RFC3: variants seen among roughly 807,000 people sequenced by gnomAD.
The protein encoded by RFC3 is replication factor C subunit 3.
A neutral mutation model predicts 45.1 loss-of-function variants in RFC3; 41 were observed. The ratio of observed to expected loss-of-function variants is 0.91; its 90% CI spans 0.71 to 1.18. The LOEUF is 1.18. Ranked by LOEUF, RFC3 falls within the 50% of genes most tolerant of loss-of-function variation. RFC3 has a pLI of 0.00. For missense variants in RFC3, 423 were observed against 428.1 expected (o/e 0.99, Z 0.10); for synonymous variants, 149 against 144.0 (o/e 1.03, Z -0.25).
chr13:33,880,679 C>A (rs1032872726), intron 8 of RFC3, among the ~76,000 whole-genome samples: 1 of 152,076 alleles, frequency 6.6e-6, no homozygotes, highest in Non-Finnish European at 1.5e-5. Context: ...AGAATCGAGA[C>A]CATGGTAGAT....
chr13:33,938,208 A>AAAAAAAAAAAAAAT (rs2082900461), intron 8 of RFC3, among the ~76,000 whole-genome samples: 4 of 147,156 alleles, frequency 2.7e-5, no homozygotes, highest in African/African-American at 1.0e-4. Context: ...AAAAAAAAAA[A>AAAAAAAAAAAAAAT]GTAAGAGTTG....
chr13:33,923,374 C>G (rs1178464611), intron 8 of RFC3, among the ~76,000 whole-genome samples: 1 of 152,056 alleles, frequency 6.6e-6, no homozygotes, highest in African/African-American at 2.4e-5. Context: ...CCAGGAATAG[C>G]CACAAAAGGC....
At chr13:33,906,678 AT>A (rs906066522) in intron 8 of RFC3, among the ~76,000 whole-genome samples, 31 of 152,174 alleles carry the variant, frequency 2.0e-4, no homozygotes, top group African/African-American at 7.5e-4. Context: ...CAAGGTTTAA[AT>A]TGGATCACTG....
In RFC3 at chr13:33,818,171, G is replaced by C. The variant is rs752874822; in HGVS notation, c.-8G>C. 9.9e-5 allele frequency: 160 copies of C among 1,611,142 alleles called. No homozygotes were observed. Among genetic ancestry groups the C allele is most frequent in the East Asian group, 5.1e-4 (23 of 44,676 alleles). ...TTCAAGCGTAGGCCCCCGGGAACTC[G>C]AGCTGCCATGAGCCTCTGGGTGGAC... is the stretch of plus-strand genomic sequence containing the variant. On this transcript the variant is annotated 5_prime_UTR_variant, in exon 1 of 9. Transcript: ENST00000380071.
intron 8 of RFC3, among the ~76,000 whole-genome samples, chr13:33,924,675 T>A (rs2082791148): frequency 6.8e-6 from 1 of 146,542 alleles, no homozygotes; most frequent in South Asian, 2.1e-4. Flanking sequence ...ATATATATAT[T>A]ATATATATAT....
intron 8 of RFC3, among the ~76,000 whole-genome samples, chr13:33,958,064 G>A (rs2083032864): frequency 6.6e-6 from 1 of 152,134 alleles, no homozygotes; most frequent in Non-Finnish European, 1.5e-5. Flanking sequence ...TGCCAAGAAG[G>A]AAATTAATAG....
intron 8 of RFC3, among the ~76,000 whole-genome samples, chr13:33,910,571 A>G (rs1486353140): frequency 6.6e-6 from 1 of 152,106 alleles, no homozygotes; most frequent in Non-Finnish European, 1.5e-5. Flanking sequence ...AAGACATGGC[A>G]CTTGAGTCAA....
chr13:33,886,707 A>G (rs1009128508), intron 8 of RFC3, among the ~76,000 whole-genome samples: 1 of 149,620 alleles, frequency 6.7e-6, no homozygotes, highest in African/African-American at 2.5e-5. Flanking sequence ...ATATGTATAC[A>G]TGTGCCATGC....
chr13:33,969,772 T>C (rs1050038934), downstream of RFC3, among the ~76,000 whole-genome samples: 1 of 152,148 alleles, frequency 6.6e-6, no homozygotes, highest in African/African-American at 2.4e-5. Context: ...TCCTGTAAAA[T>C]AGAAAATTAT....
intron 8 of RFC3, among the ~76,000 whole-genome samples, chr13:33,896,443 G>A (rs2082599044): frequency 6.6e-6 from 1 of 151,642 alleles, no homozygotes; most frequent in African/African-American, 2.4e-5. Flanking sequence ...AAGTAATTTG[G>A]TCAGGTTTGG....
chr13:33,837,041 G>T lies in RFC3; in HGVS notation c.*746G>T. 3.0e-6 allele frequency: 3 copies of T among 984,518 alleles called. No individual in the cohort carries two copies. Among genetic ancestry groups the T allele is most frequent in the Non-Finnish European group, 3.6e-6 (3 of 829,224 alleles). 61.0% of individuals were successfully genotyped at this position (984,518 alleles called of 1,614,324 possible). On this transcript the variant is annotated 3_prime_UTR_variant, in exon 9 of 9. Coordinates refer to ENST00000380071, the MANE Select transcript of RFC3 (RefSeq NM_002915.4). ...AAATATTTTGGTTCATGGACCAAAG[G>T]GTTTACTTGACAAATTTGTGTGACA...
intron 8 of RFC3, among the ~76,000 whole-genome samples, chr13:33,871,021 G>A (rs1208887371): frequency 6.6e-6 from 1 of 152,208 alleles, no homozygotes; most frequent in Non-Finnish European, 1.5e-5. Context: ...GCACTAAAGA[G>A]TGAACTAGTG....
chr13:33,893,134 A>G (rs1297763353), intron 8 of RFC3, among the ~76,000 whole-genome samples: 2 of 152,172 alleles, frequency 1.3e-5, no homozygotes, highest in Non-Finnish European at 2.9e-5. Context: ...TGTAACTTGA[A>G]AAAGGGAGAT....
chr13:33,970,122 G>C (rs1694813643), downstream of RFC3, among the ~76,000 whole-genome samples: 1 of 151,924 alleles, frequency 6.6e-6, no homozygotes, highest in Non-Finnish European at 1.5e-5. Flanking sequence ...AGTGTGTGTT[G>C]TTCCCCCTAA....
downstream of RFC3, among the ~76,000 whole-genome samples, chr13:33,969,428 T>C (rs1342684231): frequency 1.3e-5 from 2 of 152,188 alleles, no homozygotes. Flanking sequence ...AAGAGTAGAC[T>C]AAATAAGCAT....
At chr13:33,968,445 A>G (rs1445076044), downstream of RFC3, among the ~76,000 whole-genome samples, 1 of 152,200 alleles carries the variant, frequency 6.6e-6, no homozygotes, top group African/African-American at 2.4e-5. Flanking sequence ...CTCTTTACAA[A>G]TGTAGCTGAG....
chr13:33,822,176 G>A (rs1007269789), intron 2 of RFC3, among the ~76,000 whole-genome samples: 2 of 152,126 alleles, frequency 1.3e-5, no homozygotes, highest in African/African-American at 2.4e-5. Context: ...GTGGAAATTC[G>A]TATAAATATA....
chr13:33,894,373 G>T (rs1375724225), intron 8 of RFC3, among the ~76,000 whole-genome samples: 1 of 152,202 alleles, frequency 6.6e-6, no homozygotes, highest in Non-Finnish European at 1.5e-5. Flanking sequence ...GGAATGGAGG[G>T]AAGTCGTTCC....
At chr13:33,900,094 C>A (rs528642053) in intron 8 of RFC3, among the ~76,000 whole-genome samples, 3 of 151,850 alleles carry the variant, frequency 2.0e-5, no homozygotes, top group Non-Finnish European at 4.4e-5. Context: ...GTTAAAATGA[C>A]AATACTACTC....
Sources: gnomAD v4.1 joint callset for allele counts (sites outside exome capture counted in the v4.1 genomes callset) on GRCh38, gnomAD v4.1.1 for gene constraint, MANE v1.5 for transcripts, NCBI Gene and HGNC (gene_info 2026-07-23, HGNC 2026-07-21) for gene names.